SV2C: variants seen among roughly 807,000 people sequenced by gnomAD.
SV2C encodes synaptic vesicle glycoprotein 2C.
In SV2C, 49 loss-of-function variants were observed where a neutral mutation model predicts 79.7. The ratio of observed to expected loss-of-function variants is 0.61; its 90% CI spans 0.49 to 0.78. The LOEUF is 0.78. Ranked by LOEUF, SV2C falls within the 30% of genes least tolerant of loss-of-function variation. The pLI, the probability that SV2C is intolerant of heterozygous loss-of-function variation, is 0.00. For missense variants in SV2C, 833 were observed against 912.9 expected (o/e 0.91, Z 1.13); for synonymous variants, 334 against 333.2 (o/e 1.00, Z -0.03).
chr5:76,101,717 C>T (rs1468110242), intron 1 of SV2C, among the ~76,000 whole-genome samples: 2 of 152,120 alleles, frequency 1.3e-5, no homozygotes, highest in African/African-American at 4.8e-5. Flanking sequence ...TTTACATCAA[C>T]ATTTATTAGA....
At chr5:75,879,127 C>T in the SV2C span, among the ~76,000 whole-genome samples, 1 of 152,294 alleles carries the variant, frequency 6.6e-6, no homozygotes, top group East Asian at 1.9e-4. Flanking sequence ...TCAAACACCT[C>T]CCACAAGGCC....
At chr5:75,918,451 T>C in the SV2C span, among the ~76,000 whole-genome samples, 1 of 152,220 alleles carries the variant, frequency 6.6e-6, no homozygotes, top group Non-Finnish European at 1.5e-5. Context: ...ATTCAGCAAA[T>C]GTTATATCTT....
At chr5:76,129,266 C>A (rs1221861976) in intron 1 of SV2C, among the ~76,000 whole-genome samples, 1 of 152,128 alleles carries the variant, frequency 6.6e-6, no homozygotes, top group African/African-American at 2.4e-5. Context: ...ATTCATATTT[C>A]TTGTTTATGA....
chr5:75,884,932 C>T, the SV2C span, among the ~76,000 whole-genome samples: 1 of 151,940 alleles, frequency 6.6e-6, no homozygotes, highest in African/African-American at 2.4e-5. Flanking sequence ...TAAAATAAAC[C>T]TTTGCAACAT....
intron 4 of SV2C, among the ~76,000 whole-genome samples, chr5:76,235,946 G>A (rs1320374252): frequency 6.6e-6 from 1 of 152,136 alleles, no homozygotes; most frequent in Non-Finnish European, 1.5e-5. Context: ...TTTATGTATT[G>A]TAGAAGACAG....
At chr5:76,299,628 G>A (rs189277773) in intron 10 of SV2C, among the ~76,000 whole-genome samples, 18 of 152,304 alleles carry the variant, frequency 1.2e-4, no homozygotes, top group African/African-American at 3.9e-4. Flanking sequence ...GCGTGGCATT[G>A]GCAGGAGCAT....
chr5:75,866,654 T>C, the SV2C span, among the ~76,000 whole-genome samples: 1 of 152,202 alleles, frequency 6.6e-6, no homozygotes, highest in East Asian at 1.9e-4. Context: ...AATTCGTATC[T>C]CCAGAATCCA....
intron 12 of SV2C, among the ~76,000 whole-genome samples, chr5:76,347,510 T>A (rs945119620): frequency 6.6e-6 from 1 of 152,110 alleles, no homozygotes; most frequent in Non-Finnish European, 1.5e-5. Context: ...AGGGGTGCAG[T>A]CTCCTCTCAC....
At chr5:76,257,450 G>A (rs986243214) in intron 4 of SV2C, among the ~76,000 whole-genome samples, 2 of 121,394 alleles carry the variant, frequency 1.6e-5, no homozygotes, top group Non-Finnish European at 4.0e-5. Context: ...ATATGGGTGT[G>A]TGTAGTGTGG....
chr5:76,181,334 G>A (rs1193842049), intron 2 of SV2C, among the ~76,000 whole-genome samples: 1 of 152,200 alleles, frequency 6.6e-6, no homozygotes, highest in Non-Finnish European at 1.5e-5. Context: ...AGAGTCTGAG[G>A]TATTTACTAT....
chr5:75,967,368 C>A, the SV2C span, among the ~76,000 whole-genome samples: 4 of 152,164 alleles, frequency 2.6e-5, no homozygotes, highest in African/African-American at 9.7e-5. Context: ...CGAAGCAGGG[C>A]AAGGCATCAC....
At chr5:76,048,400 GA>G in the SV2C span, among the ~76,000 whole-genome samples, 1 of 152,158 alleles carries the variant, frequency 6.6e-6, no homozygotes, top group Non-Finnish European at 1.5e-5. Flanking sequence ...CAGATTAGGT[GA>G]TGCCCAACCA....
the SV2C span, among the ~76,000 whole-genome samples, chr5:76,043,545 A>G: frequency 6.6e-6 from 1 of 152,212 alleles, no homozygotes; most frequent in Non-Finnish European, 1.5e-5. Context: ...AGACCCCAAA[A>G]TATACTTCTC....
intron 12 of SV2C, among the ~76,000 whole-genome samples, chr5:76,310,352 G>A (rs1257207737): frequency 6.6e-6 from 1 of 152,154 alleles, no homozygotes; most frequent in Non-Finnish European, 1.5e-5. Context: ...TTTGAGCAAA[G>A]ACCCAGGCAG....
rs180854326 is a variant in SV2C, at chr5:76,261,484, A to G, written c.914-23678A>G. 2.6e-5 allele frequency among the ~76,000 whole-genome samples: 4 copies of G among 152,290 alleles called. No homozygotes were observed. In the East Asian group the frequency reaches 7.7e-4, roughly 29 times the overall value. ...GCCAGAACTTCCAATTCTATGTTGA[A>G]TAGGAGCGGTGAGAAAGGGCATCCT... On this transcript the variant is annotated intron_variant, in intron 4 of 12. Transcript: ENST00000502798.
At chr5:76,003,344 T>C in the SV2C span, among the ~76,000 whole-genome samples, 4 of 152,116 alleles carry the variant, frequency 2.6e-5, no homozygotes, top group Admixed American at 2.0e-4. Flanking sequence ...TTTAATATAT[T>C]GTTTACATAT....
At chr5:76,007,739 A>T in the SV2C span, among the ~76,000 whole-genome samples, 1 of 152,180 alleles carries the variant, frequency 6.6e-6, no homozygotes, top group Non-Finnish European at 1.5e-5. Context: ...CTCTGCTCTC[A>T]TCGAGCCTGT....
chr5:75,889,257 C>A, the SV2C span, among the ~76,000 whole-genome samples: 2 of 150,618 alleles, frequency 1.3e-5, no homozygotes, highest in African/African-American at 4.9e-5. Context: ...CCCAGCCCCC[C>A]ACCCCCTGAC....
intron 4 of SV2C, among the ~76,000 whole-genome samples, chr5:76,283,220 G>A (rs1308565467): frequency 6.6e-6 from 1 of 152,048 alleles, no homozygotes; most frequent in Admixed American, 6.5e-5. Flanking sequence ...CTCCTGCTGA[G>A]GCAGGAGAAT....
Sources: allele counts gnomAD v4.1 joint callset (sites outside exome capture counted in the v4.1 genomes callset), GRCh38; gene constraint gnomAD v4.1.1; transcripts MANE v1.5; gene names NCBI Gene and HGNC (gene_info 2026-07-23, HGNC 2026-07-21).